Variants in CACNA1E observed in about 807,000 individuals in gnomAD.
CACNA1E encodes voltage-dependent R-type calcium channel subunit alpha-1E.
Under a neutral mutation model 259.2 loss-of-function variants are expected in CACNA1E, and 40 were observed. The ratio of observed to expected loss-of-function variants is 0.15; its 90% CI spans 0.12 to 0.20. CACNA1E has a LOEUF of 0.20. Among genes scored for constraint, CACNA1E ranks in the 10% least tolerant of loss-of-function variants. CACNA1E has a pLI of 1.00. For missense variants in CACNA1E, 1,874 were observed against 3,040.1 expected (o/e 0.62, Z 9.02); for synonymous variants, 1,104 against 1,138.5 (o/e 0.97, Z 0.61).
At chr1:181,432,486 A>G (rs1282373485) in intron 2 of CACNA1E, among the ~76,000 whole-genome samples, 1 of 152,232 alleles carries the variant, frequency 6.6e-6, no homozygotes. Flanking sequence ...TGTTTTCACA[A>G]AGACAGTTTT....
chr1:181,452,984 G>C (rs919091595), intron 2 of CACNA1E, among the ~76,000 whole-genome samples: 1 of 152,208 alleles, frequency 6.6e-6, no homozygotes, highest in Non-Finnish European at 1.5e-5. Flanking sequence ...TGCTGACCCT[G>C]TGACCATCAG....
At chr1:181,766,023 C>T (rs918783545) in intron 34 of CACNA1E, among the ~76,000 whole-genome samples, 7 of 152,130 alleles carry the variant, frequency 4.6e-5, no homozygotes, top group African/African-American at 1.7e-4. Flanking sequence ...TGGGAAATGA[C>T]ATTTCATCAG....
chr1:181,613,715 T>C (rs749353129), intron 6 of CACNA1E, among the ~76,000 whole-genome samples: 10 of 152,216 alleles, frequency 6.6e-5, no homozygotes, highest in Non-Finnish European at 1.5e-4. Flanking sequence ...AGTTAGCCTA[T>C]TCCTTCCAGC....
intron 6 of CACNA1E, among the ~76,000 whole-genome samples, chr1:181,629,252 A>G (rs1656475833): frequency 6.6e-6 from 1 of 152,040 alleles, no homozygotes; most frequent in East Asian, 1.9e-4. Flanking sequence ...ACAAGCAGTG[A>G]AGCAGCTGAT....
chr1:181,524,410 C>A (rs1196379303), intron 3 of CACNA1E, among the ~76,000 whole-genome samples: 1 of 152,190 alleles, frequency 6.6e-6, no homozygotes, highest in African/African-American at 2.4e-5. Flanking sequence ...CTGGTCCAGG[C>A]TATAGGAGTC....
Position 181,790,478 on chromosome 1 carries a change from A to T in CACNA1E, c.5820A>T (p.Pro1940=). 4 of 1,612,432 alleles carry T rather than the reference A, an allele frequency of 2.5e-6. No individual in the cohort carries two copies. The highest frequency in any genetic ancestry group is 3.3e-5 in the Admixed American group (2 of 59,936). The part of the protein sequence containing the change: ...SGRSGYPSMS[P]LSPQDIFQLA... ...GGAGTGGATACCCTTCGATGAGTCC[A>T]CTCTCTCCCCAGGATATATTCCAGT... is the stretch of plus-strand genomic sequence containing the variant. Residue 1940 remains proline (P), a synonymous_variant, in exon 44 of 48, where the codon CCA becomes CCT. Transcript: ENST00000367573.
chr1:181,723,154 T>C (rs1654564934), intron 16 of CACNA1E, among the ~76,000 whole-genome samples: 1 of 152,182 alleles, frequency 6.6e-6, no homozygotes, highest in Non-Finnish European at 1.5e-5. Context: ...ACAAGAAGAA[T>C]GGGAGAAGTT....
chr1:181,645,331 C>T (rs1009806887), intron 6 of CACNA1E, among the ~76,000 whole-genome samples: 3 of 152,010 alleles, frequency 2.0e-5, no homozygotes, highest in African/African-American at 7.3e-5. Flanking sequence ...ATCCGGGGTA[C>T]CTTTATGACT....
intron 1 of CACNA1E, among the ~76,000 whole-genome samples, chr1:181,366,114 C>T (rs532061046): frequency 6.6e-6 from 1 of 152,300 alleles, no homozygotes; most frequent in African/African-American, 2.4e-5. Flanking sequence ...CTCCAGAGAA[C>T]AGGACTCCCC....
intron 6 of CACNA1E, among the ~76,000 whole-genome samples, chr1:181,594,030 G>A (rs1572322175): frequency 1.3e-5 from 2 of 152,276 alleles, no homozygotes; most frequent in African/African-American, 2.4e-5. Context: ...GAAAATGTTA[G>A]TGTCCTTTCC....
At chr1:181,630,005 G>GT (rs1461380445) in intron 6 of CACNA1E, among the ~76,000 whole-genome samples, 12 of 152,046 alleles carry the variant, frequency 7.9e-5, no homozygotes, top group Non-Finnish European at 1.8e-4. Context: ...AATGTGTATA[G>GT]TATGATCCCA....
At position 181,796,684 on chromosome 1, in the gene CACNA1E, T is replaced by C; in HGVS notation, c.6225T>C (p.Thr2075=). 6 of 1,600,464 alleles carry C rather than the reference T, an allele frequency of 3.7e-6. No homozygotes were observed. Among genetic ancestry groups the C allele is most frequent in the Non-Finnish European group, 5.1e-6 (6 of 1,170,530 alleles). The change falls in exon 47 of 48, where the codon ACT becomes ACC. Residue 2075 remains threonine, a synonymous_variant. Transcript: ENST00000367573. The stretch of plus-strand genomic sequence containing the variant: ...CTCTCACAGGCCACAAGTCTGACAC[T>C]CACCGCTCAGGGGGCAGGGAGCGGG... ...LNSDSGHKSD[T]HRSGGRERGR...
chr1:181,701,428 G>A (rs559344278), intron 7 of CACNA1E, among the ~76,000 whole-genome samples: 2 of 152,262 alleles, frequency 1.3e-5, no homozygotes, highest in African/African-American at 4.8e-5. Flanking sequence ...ACTTCCCTGT[G>A]GCTCATTCTT....
intron 2 of CACNA1E, among the ~76,000 whole-genome samples, chr1:181,443,161 A>G (rs918789727): frequency 2.6e-5 from 4 of 152,216 alleles, no homozygotes; most frequent in Non-Finnish European, 5.9e-5. Flanking sequence ...TCTGCAAACT[A>G]TGGGAAAAAA....
intron 3 of CACNA1E, among the ~76,000 whole-genome samples, chr1:181,522,235 A>G (rs996325360): frequency 2.1e-4 from 32 of 152,294 alleles, no homozygotes; most frequent in African/African-American, 6.5e-4. Flanking sequence ...GAGCTGTACC[A>G]AAACCCAGTC....
chr1:181,371,128 G>C (rs2804692), intron 1 of CACNA1E, among the ~76,000 whole-genome samples: 79,894 of 151,904 alleles, frequency 0.53, 22,331 homozygotes, highest in African/African-American at 0.73. Context: ...TTGTTTTTCA[G>C]CTATTGATTT....
intron 3 of CACNA1E, among the ~76,000 whole-genome samples, chr1:181,528,625 C>T (rs516389): frequency 0.17 from 25,638 of 152,152 alleles, 2,325 homozygotes; most frequent in African/African-American, 0.23. Flanking sequence ...CAATAAGGTC[C>T]AGGCTGTGGT....
intron 1 of CACNA1E, among the ~76,000 whole-genome samples, chr1:181,384,038 A>G (rs991944792): frequency 6.6e-6 from 1 of 152,114 alleles, no homozygotes; most frequent in African/African-American, 2.4e-5. Context: ...TGACTGAAAA[A>G]CTGCATTTTT....
chr1:181,582,880 G>A (rs1276115575), intron 6 of CACNA1E, among the ~76,000 whole-genome samples: 3 of 152,208 alleles, frequency 2.0e-5, no homozygotes, highest in African/African-American at 7.2e-5. Flanking sequence ...AGGAGGGAAG[G>A]AGGGAGGGGA....
Sources: gnomAD v4.1 joint callset for allele counts (sites outside exome capture counted in the v4.1 genomes callset) on GRCh38, gnomAD v4.1.1 for gene constraint, MANE v1.5 for transcripts, NCBI Gene and HGNC (gene_info 2026-07-23, HGNC 2026-07-21) for gene names.